Variants in TENM4 observed in about 807,000 individuals in gnomAD.
The protein encoded by TENM4 is teneurin transmembrane protein 4, also known as teneurin-4.
TENM4 carries 82 observed loss-of-function variants against 243.3 expected under a neutral mutation model. That is an observed-to-expected ratio of 0.34 (90% confidence interval 0.28 to 0.40). The LOEUF (loss-of-function observed/expected upper bound fraction) is 0.40. Ranked by LOEUF, TENM4 falls within the 10% of genes least tolerant of loss-of-function variation. The pLI is 1.00. For synonymous variants in TENM4, 1,412 were observed against 1,456.3 expected (o/e 0.97, Z 0.69); for missense variants, 3,138 against 3,673.3 (o/e 0.85, Z 3.77).
intron 3 of TENM4, among the ~76,000 whole-genome samples, chr11:79,207,424 A>G (rs1035101869): frequency 6.6e-6 from 1 of 152,192 alleles, no homozygotes; most frequent in Non-Finnish European, 1.5e-5. Context: ...TATTACTACT[A>G]TATCAATTAT....
chr11:79,320,547 A>G (rs2135427365), intron 1 of TENM4, among the ~76,000 whole-genome samples: 1 of 152,276 alleles, frequency 6.6e-6, no homozygotes, highest in South Asian at 2.1e-4. Context: ...GTGGTAAACT[A>G]AGTCTCAGGA....
Position 78,683,524 on chromosome 11 carries a change from G to T in TENM4, c.5260+4530C>A, listed in dbSNP as rs566210720. Among the ~76,000 whole-genome samples the T allele has an allele frequency of 6.5e-5, 7 of 108,050 alleles. No homozygotes were observed. In the East Asian group the frequency reaches 1.3e-3, roughly 21 times the overall value. 70.9% of individuals were successfully genotyped at this position (108,050 alleles called of 152,430 possible). ...GGTCTGAAAAGCGCAATATTCGGGTGGGAGTGACCCGATTTTCCAGGTGCG... is the reference window on the plus strand; with the variant it reads ...GGTCTGAAAAGCGCAATATTCGGGTTGGAGTGACCCGATTTTCCAGGTGCG... On this transcript the variant is annotated intron_variant, in intron 29 of 33. Coordinates refer to ENST00000278550, the MANE Select transcript of TENM4 (RefSeq NM_001098816.3).
At chr11:79,383,680 C>T (rs2135529015) in intron 1 of TENM4, among the ~76,000 whole-genome samples, 1 of 152,294 alleles carries the variant, frequency 6.6e-6, no homozygotes, top group East Asian at 1.9e-4. Context: ...TCCTGTTTCT[C>T]TCTCCTCTTG....
At chr11:78,827,871 T>C (rs942448123) in intron 12 of TENM4, among the ~76,000 whole-genome samples, 1 of 152,226 alleles carries the variant, frequency 6.6e-6, no homozygotes, top group Non-Finnish European at 1.5e-5. Context: ...TGAATCCTGA[T>C]GGCAGTTTAC....
At chr11:79,345,150 C>T (rs564861585) in intron 1 of TENM4, among the ~76,000 whole-genome samples, 4 of 152,304 alleles carry the variant, frequency 2.6e-5, no homozygotes, top group South Asian at 4.1e-4. Context: ...AAACTCTTTA[C>T]CCACCCCCTT....
chr11:79,399,785 G>A (rs1010234430), intron 1 of TENM4, among the ~76,000 whole-genome samples: 1 of 152,032 alleles, frequency 6.6e-6, no homozygotes, highest in Non-Finnish European at 1.5e-5. Context: ...ATGACCTTAG[G>A]CAAGATATTC....
intron 12 of TENM4, among the ~76,000 whole-genome samples, chr11:78,828,067 C>T (rs1345801829): frequency 6.6e-6 from 1 of 152,160 alleles, no homozygotes; most frequent in East Asian, 1.9e-4. Flanking sequence ...GCAGTCAACA[C>T]TTTTTAAATA....
intron 1 of TENM4, among the ~76,000 whole-genome samples, chr11:79,393,257 G>C (rs530014135): frequency 2.0e-5 from 3 of 152,186 alleles, no homozygotes; most frequent in African/African-American, 7.2e-5. Context: ...AAAAAGAAGA[G>C]GCTCCGAGAT....
intron 30 of TENM4, among the ~76,000 whole-genome samples, chr11:78,674,254 T>G (rs977099839): frequency 1.3e-5 from 2 of 152,170 alleles, no homozygotes; most frequent in African/African-American, 4.8e-5. Context: ...ATTAAAAAAG[T>G]TCCCAGTTGT....
chr11:78,893,780 T>TACACACACACAC (rs368536086), intron 7 of TENM4, among the ~76,000 whole-genome samples: 8 of 142,668 alleles, frequency 5.6e-5, no homozygotes, highest in African/African-American at 1.4e-4. Context: ...GGACTTCACA[T>TACACACACACAC]ACACACACAC....
chr11:79,234,951 C>T (rs1864436619), intron 2 of TENM4, among the ~76,000 whole-genome samples: 1 of 152,128 alleles, frequency 6.6e-6, no homozygotes, highest in Non-Finnish European at 1.5e-5. Context: ...AAATATCTGG[C>T]ATTGGGCTCA....
chr11:78,778,584 GAGGA>G lies in TENM4; in HGVS notation c.2392+14_2392+17del. On this transcript the variant is annotated intron_variant, in intron 17 of 33. Coordinates refer to ENST00000278550, the MANE Select transcript of TENM4 (RefSeq NM_001098816.3). ...CACACACAAAGACAACAGGAAAATA[GAGGA>G]AGGAAGACCATACCTTTAACTACCC... 6.2e-7 allele frequency: 1 copy of G among 1,610,436 alleles called. No homozygotes were observed. The highest frequency in any genetic ancestry group is 8.5e-7 in the Non-Finnish European group (1 of 1,178,116).
At chr11:79,325,416 A>C (rs1470727509) in intron 1 of TENM4, among the ~76,000 whole-genome samples, 1 of 152,172 alleles carries the variant, frequency 6.6e-6, no homozygotes, top group Non-Finnish European at 1.5e-5. Context: ...AAAAGACCCC[A>C]AAATTTCCCC....
intron 3 of TENM4, among the ~76,000 whole-genome samples, chr11:79,174,944 C>G (rs1292673592): frequency 6.6e-6 from 1 of 152,192 alleles, no homozygotes; most frequent in Non-Finnish European, 1.5e-5. Flanking sequence ...TCAGCTACCC[C>G]ATATGACAAT....
At position 78,866,812 on chromosome 11, in the gene TENM4, T is replaced by C. The variant is rs1308691852; in HGVS notation, c.1085-3680A>G. 2.6e-5 allele frequency among the ~76,000 whole-genome samples: 4 copies of C among 152,178 alleles called. No individual in the cohort carries two copies. In the South Asian group the frequency reaches 6.2e-4, roughly 24 times the overall value. ...AGATTTAACCATTCAAAAATAACTT[T>C]AGAAGCTGGTGGGTAGGGAAGGAAA... On this transcript the variant is annotated intron_variant, in intron 9 of 33. Transcript: ENST00000278550.
chr11:79,097,205 G>A (rs1244969233), intron 4 of TENM4: 1 of 152,182 alleles, frequency 6.6e-6, no homozygotes, highest in East Asian at 1.9e-4. Flanking sequence ...AAGAACTCTG[G>A]TACAAGGAAT....
chr11:78,839,963 A>T (rs1164400247), intron 12 of TENM4, among the ~76,000 whole-genome samples: 1 of 152,180 alleles, frequency 6.6e-6, no homozygotes, highest in Non-Finnish European at 1.5e-5. Flanking sequence ...TGCCTTCAAC[A>T]CAACTCCCTG....
At chr11:79,203,419 T>C (rs1484463605) in intron 3 of TENM4, among the ~76,000 whole-genome samples, 2 of 152,236 alleles carry the variant, frequency 1.3e-5, no homozygotes, top group Non-Finnish European at 2.9e-5. Context: ...CAATGGAATA[T>C]TGTAGTTTTC....
At chr11:79,223,200 A>G (rs1244182712) in intron 2 of TENM4, among the ~76,000 whole-genome samples, 1 of 152,160 alleles carries the variant, frequency 6.6e-6, no homozygotes, top group African/African-American at 2.4e-5. Flanking sequence ...GTGTGTTTAG[A>G]GGATATGCAA....
Sources: gnomAD v4.1 joint callset for allele counts (sites outside exome capture counted in the v4.1 genomes callset) on GRCh38, gnomAD v4.1.1 for gene constraint, MANE v1.5 for transcripts, NCBI Gene and HGNC (gene_info 2026-07-23, HGNC 2026-07-21) for gene names.